AP2A2: variants seen among roughly 807,000 people sequenced by gnomAD.
AP2A2 encodes AP-2 complex subunit alpha-2.
Under a neutral mutation model 104.2 loss-of-function variants are expected in AP2A2, and 32 were observed. That is an observed-to-expected ratio of 0.31 (90% confidence interval 0.23 to 0.41). The LOEUF is 0.41. Ranked by LOEUF, AP2A2 falls within the 10% of genes least tolerant of loss-of-function variation. The pLI is 1.00. For synonymous variants in AP2A2, 539 were observed against 533.3 expected (o/e 1.01, Z -0.15); for missense variants, 912 against 1,261.0 (o/e 0.72, Z 4.19).
chr11:949,066 A>C (rs1434598167), intron 1 of AP2A2, among the ~76,000 whole-genome samples: 2 of 151,664 alleles, frequency 1.3e-5, no homozygotes, highest in African/African-American at 2.4e-5. Flanking sequence ...GAGGTGGGTG[A>C]TCATTTGAGG....
In AP2A2 at chr11:981,165, T is replaced by C; in HGVS notation, c.604-33T>C. On this transcript the variant is annotated intron_variant, in intron 5 of 21. Transcript: ENST00000448903. ...GTGAACACAAGTGGTTAGCTTCAAG[T>C]GTTCTGACTCTTGTGTGTGTGTTTT... 3 of 1,555,890 alleles carry C rather than the reference T, an allele frequency of 1.9e-6. No individual in the cohort carries two copies. The South Asian group carries it at 3.5e-5, about 18-fold the overall frequency.
intron 16 of AP2A2, 128 bp from the exon 17 acceptor site, chr11:1,006,400 A>G (rs1856206879): frequency 1.4e-6 from 1 of 696,366 alleles, no homozygotes; most frequent in East Asian, 2.7e-5. Context: ...AATTTTAACA[A>G]CAGTCATACA....
chr11:943,427 T>G (rs1853722697), intron 1 of AP2A2: 1 of 155,486 alleles, frequency 6.4e-6, no homozygotes, highest in African/African-American at 2.4e-5. Flanking sequence ...CATAACTGAT[T>G]AGGTCAGGGG....
At chr11:995,248 T>C (rs1224232564) in intron 14 of AP2A2, 2 of 453,992 alleles carry the variant, frequency 4.4e-6, no homozygotes, top group East Asian at 7.0e-5. Flanking sequence ...CGAGGTTTTA[T>C]GTAGTGAGTT....
intron 8 of AP2A2, among the ~76,000 whole-genome samples, chr11:986,027 A>G (rs923505234): frequency 2.0e-5 from 3 of 152,370 alleles, no homozygotes; most frequent in South Asian, 2.1e-4. Context: ...GTCGCTCCAC[A>G]CAGCCTGGAG....
intron 1 of AP2A2, among the ~76,000 whole-genome samples, chr11:958,908 G>A (rs1218658040): frequency 2.0e-5 from 3 of 152,224 alleles, no homozygotes; most frequent in Admixed American, 6.5e-5. Flanking sequence ...CTTGAAGGAT[G>A]CGTGTTGCAG....
intron 1 of AP2A2, among the ~76,000 whole-genome samples, chr11:937,976 C>G (rs1394511357): frequency 6.6e-6 from 1 of 152,204 alleles, no homozygotes; most frequent in African/African-American, 2.4e-5. Context: ...CTTTCTGCCT[C>G]TGATTGCCTG....
At chr11:970,045 C>A in intron 2 of AP2A2, 124 bp from the exon 3 acceptor site, 1 of 1,034,598 alleles carries the variant, frequency 9.7e-7, no homozygotes. Context: ...CTGCCTGGGC[C>A]CGGCCACCCC....
chr11:1,002,253 G>A (rs1406004315), intron 15 of AP2A2, among the ~76,000 whole-genome samples: 1 of 152,228 alleles, frequency 6.6e-6, no homozygotes, highest in African/African-American at 2.4e-5. Flanking sequence ...TGGAGTGCCC[G>A]CTGGCTGTGG....
chr11:960,640 C>T (rs10902250), intron 2 of AP2A2, among the ~76,000 whole-genome samples: 2 of 147,782 alleles, frequency 1.4e-5, no homozygotes, highest in African/African-American at 5.0e-5. Context: ...AGCCTCCCAA[C>T]ATGCTGGGAT....
At chr11:972,317 C>A in intron 4 of AP2A2, 62 bp downstream of exon 4, 1 of 1,450,304 alleles carries the variant, frequency 6.9e-7, no homozygotes, top group Non-Finnish European at 9.2e-7. Flanking sequence ...CCAAATACAT[C>A]AAATATGGAG....
At chr11:983,017 C>CTTTTTT (rs56742889) in intron 6 of AP2A2, among the ~76,000 whole-genome samples, 713 of 82,294 alleles carry the variant, frequency 8.7e-3, no homozygotes, top group East Asian at 0.018. Context: ...TTTTCTTTTT[C>CTTTTTT]TTTTTTTTTT....
At chr11:958,040 A>G (rs1466793592) in intron 1 of AP2A2, among the ~76,000 whole-genome samples, 1 of 152,192 alleles carries the variant, frequency 6.6e-6, no homozygotes, top group Non-Finnish European at 1.5e-5. Context: ...ACCCCAGTTC[A>G]TATGCTGAAG....
chr11:962,543 G>A (rs1854476330), intron 2 of AP2A2, among the ~76,000 whole-genome samples: 2 of 152,030 alleles, frequency 1.3e-5, no homozygotes, highest in Admixed American at 6.5e-5. Context: ...GACCAGCCTG[G>A]CCAACATGGT....
At chr11:952,729 G>C (rs1313858582) in intron 1 of AP2A2, among the ~76,000 whole-genome samples, 1 of 152,120 alleles carries the variant, frequency 6.6e-6, no homozygotes, top group Non-Finnish European at 1.5e-5. Context: ...ACTCTGTGTG[G>C]CTGGGCTTGT....
intron 14 of AP2A2, chr11:995,342 A>G (rs909987691): frequency 8.8e-6 from 4 of 455,820 alleles, no homozygotes; most frequent in African/African-American, 8.0e-5. Flanking sequence ...TTGTCAGGTG[A>G]GAAGTGTCGT....
intron 3 of AP2A2, among the ~76,000 whole-genome samples, chr11:970,791 C>G (rs1854796930): frequency 6.6e-6 from 1 of 152,240 alleles, no homozygotes; most frequent in Admixed American, 6.5e-5. Context: ...CCCGTGGTCC[C>G]TTGGACAGCT....
chr11:1,009,207 A>G lies in AP2A2; in HGVS notation c.2528A>G (p.Gln843Arg). ...CAGGATTTCTTTCAACGTTGGAAGC[A>G]GTTGAGCAAGTGAGAAACCTGTTTC... ...ASQDFFQRWK[Q>R]LSNPQQEVQN... Residue 843 changes from glutamine to arginine, a missense_variant, in exon 19 of 22, where the codon CAG becomes CGG. By Grantham distance (43) the Gln-to-Arg change is conservative. Around this residue, in one of 7 missense-constraint regions of AP2A2, gnomAD observed 239 missense variants for 329.8 expected, o/e 0.72. Coordinates refer to ENST00000448903, the MANE Select transcript of AP2A2 (RefSeq NM_012305.4). The G allele has an allele frequency of 6.2e-7, 1 of 1,613,522 alleles. No homozygotes were observed. The highest frequency in any genetic ancestry group is 8.5e-7 in the Non-Finnish European group (1 of 1,179,660).
chr11:1,009,966 C>T, intron 21 of AP2A2, 149 bp downstream of exon 21: 1 of 1,020,182 alleles, frequency 9.8e-7, no homozygotes, highest in Middle Eastern at 2.5e-4. Flanking sequence ...TGGTTGCCTC[C>T]CAGCCTCCCC....
Sources: gnomAD v4.1 joint callset for allele counts (sites outside exome capture counted in the v4.1 genomes callset) on GRCh38, gnomAD v4.1.1 for gene constraint, gnomAD v4.1.1 regional missense constraint, MANE v1.5 for transcripts, NCBI Gene and HGNC (gene_info 2026-07-23, HGNC 2026-07-21) for gene names.